The following NR5A2 variants were observed in gnomAD, a reference collection of about 807,000 sequenced individuals.
NR5A2 encodes nuclear receptor subfamily 5 group A member 2, also known as CYP7A promoter-binding factor.
In NR5A2, 26 loss-of-function variants were observed where a neutral mutation model predicts 62.7. That is an observed-to-expected ratio of 0.41 (90% CI 0.30 to 0.58). The LOEUF (loss-of-function observed/expected upper bound fraction) is 0.58. Among genes scored for constraint, NR5A2 ranks in the 20% least tolerant of loss-of-function variants. The pLI is 0.22. For missense variants in NR5A2, 541 were observed against 669.1 expected (o/e 0.81, Z 2.11); for synonymous variants, 246 against 241.7 (o/e 1.02, Z -0.16).
chr1:200,108,664 T>C (rs976312378), intron 5 of NR5A2, among the ~76,000 whole-genome samples: 1 of 152,180 alleles, frequency 6.6e-6, no homozygotes, highest in Admixed American at 6.5e-5. Flanking sequence ...AAGTGCTAAA[T>C]AAACAACTAA....
intron 5 of NR5A2, among the ~76,000 whole-genome samples, chr1:200,069,261 C>CTT (rs71132652): frequency 1.3e-3 from 199 of 149,092 alleles, no homozygotes; most frequent in African/African-American, 4.1e-3. Flanking sequence ...AATTCATATT[C>CTT]TTTTTTTTTT....
chr1:200,092,142 A>C (rs796786459), intron 5 of NR5A2, among the ~76,000 whole-genome samples: 5 of 152,344 alleles, frequency 3.3e-5, no homozygotes, highest in African/African-American at 1.2e-4. Context: ...GGTTTCCTGC[A>C]TAGACACATA....
intron 5 of NR5A2, among the ~76,000 whole-genome samples, chr1:200,050,764 T>G (rs1034244116): frequency 3.3e-5 from 5 of 152,160 alleles, no homozygotes; most frequent in Non-Finnish European, 7.3e-5. Flanking sequence ...TGGTGGCACA[T>G]GCCTGTAATC....
At chr1:200,058,433 T>G (rs1663026439) in intron 5 of NR5A2, 1 of 152,102 alleles carries the variant, frequency 6.6e-6, no homozygotes. Flanking sequence ...AAGAGAGTGG[T>G]TTTTCGTAAG....
chr1:200,102,202 C>T (rs1319465306), intron 5 of NR5A2, among the ~76,000 whole-genome samples: 2 of 152,150 alleles, frequency 1.3e-5, no homozygotes, highest in Admixed American at 6.5e-5. Context: ...GGAAACATTG[C>T]ACTTTGAAAG....
intron 5 of NR5A2, among the ~76,000 whole-genome samples, chr1:200,077,500 G>A (rs1664095809): frequency 1.3e-5 from 2 of 152,206 alleles, no homozygotes; most frequent in African/African-American, 4.8e-5. Context: ...GATCACCTAA[G>A]GTCAGGAGTT....
At chr1:200,110,012 G>A (rs959025527) in intron 5 of NR5A2, among the ~76,000 whole-genome samples, 9 of 152,052 alleles carry the variant, frequency 5.9e-5, no homozygotes, top group East Asian at 3.9e-4. Context: ...TCATCTGCCC[G>A]CCTCAGCCTC....
At chr1:200,033,904 C>G (rs768954459) in intron 1 of NR5A2, among the ~76,000 whole-genome samples, 1 of 152,138 alleles carries the variant, frequency 6.6e-6, no homozygotes, top group Non-Finnish European at 1.5e-5. Context: ...TGCTGGACTC[C>G]GCACCTCTGC....
In NR5A2 at chr1:200,171,651, A is replaced by T. The variant is rs541206696; in HGVS notation, c.1379-2312A>T. On this transcript the variant is annotated intron_variant, in intron 7 of 7. Coordinates refer to ENST00000367362, the MANE Select transcript of NR5A2 (RefSeq NM_205860.3). ...GTAACCCCAGCTACTCAGGTGGCTG[A>T]GGCAGGAGGATTGCTTGAACTCAGG... is the stretch of plus-strand genomic sequence containing the variant. Among the ~76,000 whole-genome samples, 148 of 152,322 alleles carry T rather than the reference A, an allele frequency of 9.7e-4. 1 individual carries two copies. The Middle Eastern group carries it at 0.014, about 14-fold the overall frequency.
chr1:200,170,168 G>A (rs1654106883), intron 7 of NR5A2, among the ~76,000 whole-genome samples: 1 of 152,002 alleles, frequency 6.6e-6, no homozygotes, highest in African/African-American at 2.4e-5. Context: ...TGCTATAGAT[G>A]AGTTCAGACT....
chr1:200,174,481 A>G lies in NR5A2; in HGVS notation c.*271A>G. On this transcript the variant is annotated 3_prime_UTR_variant, in exon 8 of 8. Transcript: ENST00000367362. ...TATAAAAGACATTGTAATGGAGTGG[A>G]TTGAACTCACAGATGGATACCAACA... 1 of 252,650 alleles carries G rather than the reference A, an allele frequency of 4.0e-6. No individual in the cohort carries two copies. The highest frequency in any genetic ancestry group is 8.0e-5 in the East Asian group (1 of 12,478). 15.7% of individuals were successfully genotyped at this position (252,650 alleles called of 1,614,324 possible).
intron 7 of NR5A2, among the ~76,000 whole-genome samples, chr1:200,144,231 TCTCACACACACACA>T (rs1310989716): frequency 2.8e-5 from 2 of 70,808 alleles, no homozygotes; most frequent in African/African-American, 5.7e-5. Context: ...TCTCTCTCTC[TCTCACACACACACA>T]CACACACACA....
intron 1 of NR5A2, among the ~76,000 whole-genome samples, chr1:200,038,516 C>A (rs1405791266): frequency 6.6e-6 from 1 of 152,198 alleles, no homozygotes; most frequent in Non-Finnish European, 1.5e-5. Context: ...GGTCTCAGTG[C>A]CCTGGGGAGT....
At chr1:200,034,976 G>A (rs911762956) in intron 1 of NR5A2, among the ~76,000 whole-genome samples, 7 of 152,064 alleles carry the variant, frequency 4.6e-5, no homozygotes, top group African/African-American at 1.7e-4. Context: ...GCGTGGGCGG[G>A]TAGCCCAGCC....
At chr1:200,123,809 T>G (rs1327662689) in intron 7 of NR5A2, among the ~76,000 whole-genome samples, 2 of 151,318 alleles carry the variant, frequency 1.3e-5, no homozygotes, top group African/African-American at 4.9e-5. Flanking sequence ...AGAGGTGGTT[T>G]TTTTTTTTTG....
chr1:200,114,656 C>CA (rs1449724879), intron 6 of NR5A2, among the ~76,000 whole-genome samples: 1 of 152,126 alleles, frequency 6.6e-6, no homozygotes, highest in African/African-American at 2.4e-5. Flanking sequence ...AATGCTGACA[C>CA]AAAAATTAGA....
At chr1:200,170,484 A>T (rs1654121788) in intron 7 of NR5A2, among the ~76,000 whole-genome samples, 1 of 152,268 alleles carries the variant, frequency 6.6e-6, no homozygotes, top group Non-Finnish European at 1.5e-5. Context: ...AGTGAACCAC[A>T]TAAATGAGTG....
Position 200,027,931 on chromosome 1 carries a change from T to C in NR5A2, c.64+20T>C. 1.3e-6 allele frequency: 2 copies of C among 1,535,292 alleles called. No individual in the cohort carries two copies. The highest frequency in any genetic ancestry group is 1.8e-6 in the Non-Finnish European group (2 of 1,126,574). ...CTATTGGTAAGTAGGAGTTTCTCTATTGATCATCTATTTATTCTGCTACTA... is the reference window on the plus strand; with the variant it reads ...CTATTGGTAAGTAGGAGTTTCTCTACTGATCATCTATTTATTCTGCTACTA... On this transcript the variant is annotated intron_variant, in intron 1 of 7. Coordinates refer to ENST00000367362, the MANE Select transcript of NR5A2 (RefSeq NM_205860.3).
intron 7 of NR5A2, among the ~76,000 whole-genome samples, chr1:200,139,059 G>C (rs1438441667): frequency 1.3e-5 from 2 of 152,056 alleles, no homozygotes; most frequent in Non-Finnish European, 2.9e-5. Flanking sequence ...CTTTCCTTTA[G>C]TCAGGTGTAC....
Sources: allele counts gnomAD v4.1 joint callset (sites outside exome capture counted in the v4.1 genomes callset), GRCh38; gene constraint gnomAD v4.1.1; transcripts MANE v1.5; gene names NCBI Gene and HGNC (gene_info 2026-07-23, HGNC 2026-07-21).